CLVS2: variants seen among roughly 807,000 people sequenced by gnomAD.
CLVS2 encodes the protein clavesin 2.
Under a neutral mutation model 29.0 loss-of-function variants are expected in CLVS2, and 19 were observed. The observed-to-expected ratio is 0.66, with a 90% CI of 0.46 to 0.96. The LOEUF is 0.96. CLVS2 is among the 40% of genes least tolerant of loss of function. The pLI is 0.00. For missense variants in CLVS2, 294 were observed against 404.1 expected (o/e 0.73, Z 2.34); for synonymous variants, 161 against 151.3 (o/e 1.06, Z -0.47).
At chr6:123,001,250 T>A (rs1350791081) in intron 2 of CLVS2, among the ~76,000 whole-genome samples, 1 of 152,218 alleles carries the variant, frequency 6.6e-6, no homozygotes, top group Non-Finnish European at 1.5e-5. Flanking sequence ...AATAAAATAG[T>A]GTCTGTTTCT....
chr6:123,022,651 A>G (rs1177345836), intron 3 of CLVS2, among the ~76,000 whole-genome samples: 1 of 152,052 alleles, frequency 6.6e-6, no homozygotes, highest in Non-Finnish European at 1.5e-5. Context: ...CAAAATCAAA[A>G]TTCTAATGGA....
chr6:123,019,683 C>G (rs1304659295), intron 3 of CLVS2, among the ~76,000 whole-genome samples: 1 of 152,010 alleles, frequency 6.6e-6, no homozygotes, highest in African/African-American at 2.4e-5. Flanking sequence ...CTCTCCAGGA[C>G]AGCTGCATTA....
chr6:123,051,836 T>C (rs1040925891), intron 4 of CLVS2, among the ~76,000 whole-genome samples: 2 of 152,004 alleles, frequency 1.3e-5, no homozygotes, highest in Middle Eastern at 3.2e-3. Flanking sequence ...TTGCATGAAA[T>C]GGAGGAAGGA....
chr6:123,030,495 C>A (rs1775067931), intron 3 of CLVS2, among the ~76,000 whole-genome samples: 1 of 152,104 alleles, frequency 6.6e-6, no homozygotes, highest in African/African-American at 2.4e-5. Flanking sequence ...TGGAAAATTG[C>A]TCATTCCTTG....
Position 123,015,869 on chromosome 6 carries a change from C to T in CLVS2, c.564+4710C>T, listed in dbSNP as rs898739050. On this transcript the variant is annotated intron_variant, in intron 3 of 5. Coordinates refer to ENST00000275162, the MANE Select transcript of CLVS2 (RefSeq NM_001010852.4). ...CCAAGGATAACTTTTATTAATATAA[C>T]AACAAAGTGATAAGCCATTCATAAT... is the stretch of plus-strand genomic sequence containing the variant. Among the ~76,000 whole-genome samples, 4 of 151,920 alleles carry T rather than the reference C, an allele frequency of 2.6e-5. No homozygotes were observed. The East Asian group carries it at 7.8e-4, about 30-fold the overall frequency.
chr6:122,998,268 T>G, intron 2 of CLVS2, 102 bp downstream of exon 2: 2 of 1,389,306 alleles, frequency 1.4e-6, no homozygotes, highest in Non-Finnish European at 1.9e-6. Context: ...TTTTTGTTTA[T>G]TTGGCTTGGA....
At chr6:123,036,908 C>T (rs1775161975) in intron 3 of CLVS2, among the ~76,000 whole-genome samples, 1 of 152,130 alleles carries the variant, frequency 6.6e-6, no homozygotes, top group Non-Finnish European at 1.5e-5. Context: ...GCTCAGTAAC[C>T]TCCCTCTTCT....
At chr6:123,000,043 T>A (rs1378760664) in intron 2 of CLVS2, among the ~76,000 whole-genome samples, 1 of 152,170 alleles carries the variant, frequency 6.6e-6, no homozygotes, top group Non-Finnish European at 1.5e-5. Flanking sequence ...TAGAAATCTA[T>A]AATGGAAACG....
intron 3 of CLVS2, among the ~76,000 whole-genome samples, chr6:123,041,173 G>C (rs1775227146): frequency 6.6e-6 from 1 of 151,968 alleles, no homozygotes; most frequent in Non-Finnish European, 1.5e-5. Flanking sequence ...AAACTTGAAG[G>C]ACTTAATAAA....
intron 3 of CLVS2, among the ~76,000 whole-genome samples, chr6:123,033,668 A>G (rs536739025): frequency 1.3e-5 from 2 of 152,182 alleles, no homozygotes; most frequent in African/African-American, 4.8e-5. Context: ...GAGTTCTTAG[A>G]CTTGGTGCCC....
intron 3 of CLVS2, among the ~76,000 whole-genome samples, chr6:123,025,344 C>T (rs1364406288): frequency 1.2e-4 from 19 of 152,068 alleles, no homozygotes; most frequent in Non-Finnish European, 2.9e-5. Context: ...GAATCCATAG[C>T]CCAGTTCTTG....
intron 2 of CLVS2, among the ~76,000 whole-genome samples, chr6:123,005,279 C>A (rs1245998595): frequency 6.6e-6 from 1 of 152,070 alleles, no homozygotes; most frequent in African/African-American, 2.4e-5. Context: ...ATATAAAACA[C>A]CTAGAAGGCT....
At position 122,997,271 on chromosome 6, in the gene CLVS2, T is replaced by C. The variant is rs563717221; in HGVS notation, c.-507T>C. 5.9e-6 allele frequency: 1 copy of C among 169,500 alleles called. No individual in the cohort carries two copies. Among genetic ancestry groups the C allele is most frequent in the East Asian group, 1.9e-4 (1 of 5,190 alleles). The allele number at this position is 169,500 out of a possible 1,614,324, so 10.5% of individuals were successfully genotyped here. ...CGCTGAAGAGCTACCTTATTATTAA[T>C]CAGAATTTCCATCGCCACCCCTGGC... On this transcript the variant is annotated 5_prime_UTR_variant, in exon 2 of 6. Transcript: ENST00000275162.
At chr6:123,002,420 G>A (rs1245772855) in intron 2 of CLVS2, among the ~76,000 whole-genome samples, 1 of 152,042 alleles carries the variant, frequency 6.6e-6, no homozygotes, top group Non-Finnish European at 1.5e-5. Flanking sequence ...TTGTGGTTCA[G>A]TTTGAATTAT....
Position 123,064,337 on chromosome 6 carries a change from A to G in CLVS2, c.*576A>G, listed in dbSNP as rs1772821914. On this transcript the variant is annotated 3_prime_UTR_variant, in exon 6 of 6. Coordinates refer to ENST00000275162, the MANE Select transcript of CLVS2 (RefSeq NM_001010852.4). ...TCATTGGCCTTGCATTTTGGAGGCA[A>G]GGAATGGCAGATGAGCTGGTAAACT... 6.6e-6 allele frequency: 1 copy of G among 152,056 alleles called. No individual in the cohort carries two copies. The highest frequency in any genetic ancestry group is 1.5e-5 in the Non-Finnish European group (1 of 67,952). 9.4% of individuals were successfully genotyped at this position (152,056 alleles called of 1,614,324 possible). A position where few individuals can be genotyped will look rare whatever the true frequency, so the allele number is the denominator to read the frequency against.
rs1297679490 is a variant in CLVS2 at position 123,067,255 on chromosome 6, A to G, written c.*3494A>G. ...GAAAAGAGGTCCCTCTATTGCATCAAGAAATTGGAGAGTTGTTTTAGACAT... is the reference window on the plus strand; with the variant it reads ...GAAAAGAGGTCCCTCTATTGCATCAGGAAATTGGAGAGTTGTTTTAGACAT... On this transcript the variant is annotated 3_prime_UTR_variant, in exon 6 of 6. Coordinates refer to ENST00000275162, the MANE Select transcript of CLVS2 (RefSeq NM_001010852.4). 6.6e-6 allele frequency: 1 copy of G among 151,742 alleles called. No homozygotes were observed. The highest frequency in any genetic ancestry group is 1.5e-5 in the Non-Finnish European group (1 of 67,746). The allele number at this position is 151,742 out of a possible 1,614,324, so 9.4% of individuals were successfully genotyped here.
chr6:123,020,683 T>TA (rs1774907329), intron 3 of CLVS2, among the ~76,000 whole-genome samples: 1 of 152,116 alleles, frequency 6.6e-6, no homozygotes, highest in South Asian at 2.1e-4. Flanking sequence ...GAGGTTTACT[T>TA]ACTGTTTAGC....
rs1385282857 is a variant in CLVS2, at chr6:123,056,005, T to A, written c.875T>A (p.Leu292His). 1.9e-6 allele frequency: 3 copies of A among 1,613,076 alleles called. No individual in the cohort carries two copies. Among genetic ancestry groups the A allele is most frequent in the Non-Finnish European group, 2.5e-6 (3 of 1,179,442 alleles). Residue 292 changes from leucine to histidine, a missense_variant, in exon 5 of 6, where the codon CTC (leucine) becomes CAC (histidine). Physicochemically the swap from Leu to His is moderately conservative, Grantham distance 99. Coordinates refer to ENST00000275162, the MANE Select transcript of CLVS2 (RefSeq NM_001010852.4). The stretch of plus-strand genomic sequence containing the variant: ...CCTGTGAAGGAAGTAGAGAAGGAAC[T>A]CTCCCCAAAGTCCATGAAGAGGTAT... ...SMPVKEVEKE[L>H]SPKSMKRSQS...
At chr6:123,007,684 T>G (rs775949006) in intron 2 of CLVS2, among the ~76,000 whole-genome samples, 1 of 152,202 alleles carries the variant, frequency 6.6e-6, no homozygotes, top group Non-Finnish European at 1.5e-5. Context: ...TTGTAAAATT[T>G]CTTATTGGTG....
Sources: allele counts gnomAD v4.1 joint callset (sites outside exome capture counted in the v4.1 genomes callset), GRCh38; gene constraint gnomAD v4.1.1; transcripts MANE v1.5; gene names NCBI Gene and HGNC (gene_info 2026-07-23, HGNC 2026-07-21).